SLC28A1: variants seen among roughly 807,000 people sequenced by gnomAD.
SLC28A1 encodes the protein sodium/nucleoside cotransporter 1.
In SLC28A1, 64 loss-of-function variants were observed where a neutral mutation model predicts 74.8. The ratio of observed to expected loss-of-function variants is 0.86; its 90% CI spans 0.70 to 1.05. The LOEUF (loss-of-function observed/expected upper bound fraction) is 1.05, where lower values mean the gene tolerates loss of function less well. SLC28A1 is among the 50% of genes least tolerant of loss of function. SLC28A1 has a pLI of 0.00. For synonymous variants in SLC28A1, 359 were observed against 335.0 expected, an observed-to-expected ratio of 1.07 and a Z score of -0.78; for missense variants, 828 against 822.8, an observed-to-expected ratio of 1.01 and a Z score of -0.08.
chr15:84,892,854 TAGA>T (rs564205126), intron 5 of SLC28A1, among the ~76,000 whole-genome samples: 62 of 152,228 alleles, frequency 4.1e-4, no homozygotes, highest in Non-Finnish European at 8.1e-4. Context: ...TCCCCAGTCT[TAGA>T]AGAAGGAGGT....
At chr15:84,953,778 T>C in the SLC28A1 span, among the ~76,000 whole-genome samples, 1 of 152,344 alleles carries the variant, frequency 6.6e-6, no homozygotes, top group East Asian at 1.9e-4. Context: ...AGTTTATGAA[T>C]GATTTACCTC....
the SLC28A1 span, among the ~76,000 whole-genome samples, chr15:84,969,352 A>G: frequency 6.6e-6 from 1 of 152,210 alleles, no homozygotes; most frequent in African/African-American, 2.4e-5. Flanking sequence ...CATCGCCTTC[A>G]TGTGGGCCCT....
intron 4 of SLC28A1, 67 bp from the exon 5 acceptor site, chr15:84,890,376 G>A (rs1965226421): frequency 1.8e-6 from 2 of 1,138,646 alleles, no homozygotes; most frequent in African/African-American, 3.1e-5. Flanking sequence ...CTGAGTGGAG[G>A]TGCTGAGGAT....
At chr15:84,901,927 T>C (rs1446251169) in intron 6 of SLC28A1, among the ~76,000 whole-genome samples, 1 of 152,208 alleles carries the variant, frequency 6.6e-6, no homozygotes, top group Non-Finnish European at 1.5e-5. Context: ...AGCGGCTTTA[T>C]CTGCAATAGC....
chr15:84,928,517 AG>A, intron 12 of SLC28A1, among the ~76,000 whole-genome samples: 1 of 67,476 alleles, frequency 1.5e-5, no homozygotes, highest in African/African-American at 6.3e-5. Context: ...TCAAGCTCCC[AG>A]GTTCGTTCGT....
rs1971721542 is a variant in SLC28A1, at chr15:84,935,062, G to A, written c.1251G>A (p.Gly417=). 6.2e-7 allele frequency: 1 copy of A among 1,614,120 alleles called. No homozygotes were observed. The highest frequency in any genetic ancestry group is 8.5e-7 in the Non-Finnish European group (1 of 1,179,986). The change falls in exon 14 of 19, where the codon GGG becomes GGA. Residue 417 remains glycine, a synonymous_variant. Coordinates refer to ENST00000394573, the MANE Select transcript of SLC28A1 (RefSeq NM_004213.5). ...ACCTCATAGAAGCAGCCAGCACTGG[G>A]GCCGCCATCTCCGTGAAGGTGGTCG... ...AQNLIEAAST[G]AAISVKVVAN...
intron 12 of SLC28A1, among the ~76,000 whole-genome samples, chr15:84,928,586 CTT>C (rs1463592926): frequency 1.8e-3 from 39 of 22,234 alleles, no homozygotes; most frequent in South Asian, 4.8e-3. Context: ...TTCTTTCTTT[CTT>C]TCTTTCTTTC....
chr15:84,925,370 G>A lies in SLC28A1; in HGVS notation c.1083+1260G>A, dbSNP rs977236341. 5.3e-5 allele frequency among the ~76,000 whole-genome samples: 8 copies of A among 152,034 alleles called. No individual in the cohort carries two copies. The East Asian group carries it at 7.7e-4, about 15-fold the overall frequency. ...CAGAAACGATGGGGGATGCCAAGGC[G>A]GGTGGATCATCTGAGGTCAGGAATT... On this transcript the variant is annotated intron_variant, in intron 12 of 18. Transcript: ENST00000394573.
intron 12 of SLC28A1, among the ~76,000 whole-genome samples, chr15:84,928,551 T>G (rs574111957): frequency 0.024 from 532 of 21,868 alleles, 117 homozygotes; most frequent in Middle Eastern, 0.21. Flanking sequence ...TCTTTCTTTC[T>G]TTCTTTCTTT....
chr15:84,895,051 G>A lies in SLC28A1; in HGVS notation c.389G>A (p.Arg130Gln), dbSNP rs1435393428. ...TTCCTGGGCCACCGCCTGCTGAAAC[G>A]GCTTCTGGGGCCAAAGCTGAGGAGG... ...LTFLGHRLLK[R>Q]LLGPKLRRFL... The change falls in exon 6 of 19, where the codon CGG (arginine) becomes CAG (glutamine). Residue 130 changes from arginine (R) to glutamine (Q), a missense_variant. Physicochemically the swap from Arg to Gln is conservative, Grantham distance 43. This residue lies in a region of SLC28A1 where 767 missense variants were observed against 753.5 expected (regional missense o/e 1.02). Coordinates refer to ENST00000394573, the MANE Select transcript of SLC28A1 (RefSeq NM_004213.5). 12 of 1,612,340 alleles carry A rather than the reference G, an allele frequency of 7.4e-6. No homozygotes were observed. The highest frequency in any genetic ancestry group is 1.6e-4 in the Middle Eastern group (1 of 6,082).
chr15:84,934,501 C>T (rs1971660347), intron 13 of SLC28A1, among the ~76,000 whole-genome samples: 1 of 152,218 alleles, frequency 6.6e-6, no homozygotes, highest in African/African-American at 2.4e-5. Flanking sequence ...CCACATTGGA[C>T]ACATGTGCTT....
intron 14 of SLC28A1, 28 bp from the exon 15 acceptor site, chr15:84,935,292 CG>C: frequency 6.2e-7 from 1 of 1,613,362 alleles, no homozygotes; most frequent in Non-Finnish European, 8.5e-7. Flanking sequence ...GCCCAGCCCT[CG>C]GTGCCAGCCA....
chr15:84,911,125 C>T (rs746432556), intron 9 of SLC28A1, among the ~76,000 whole-genome samples: 6 of 152,114 alleles, frequency 3.9e-5, no homozygotes, highest in Non-Finnish European at 7.4e-5. Context: ...TCCGCCAGAG[C>T]GCCTTCCCCC....
chr15:84,973,710 G>A, the SLC28A1 span, among the ~76,000 whole-genome samples: 10 of 152,302 alleles, frequency 6.6e-5, no homozygotes, highest in East Asian at 7.7e-4. Flanking sequence ...ATACGCTCGC[G>A]TAGTTGCATG....
In SLC28A1 at chr15:84,905,526, G is replaced by C. The variant is rs561510855; in HGVS notation, c.604-13G>C. On this transcript the variant is annotated splice_polypyrimidine_tract_variant and intron_variant, in intron 7 of 18. Coordinates refer to ENST00000394573, the MANE Select transcript of SLC28A1 (RefSeq NM_004213.5). ...AGGAACTGAACTCAGCTTTCTGTTG[G>C]GTGGGGTGGTAGGTGTCCTGGAGGG... 2.5e-6 allele frequency: 4 copies of C among 1,577,818 alleles called. No individual in the cohort carries two copies. Among genetic ancestry groups the C allele is most frequent in the African/African-American group, 1.3e-5 (1 of 74,250 alleles).
intron 12 of SLC28A1, among the ~76,000 whole-genome samples, chr15:84,928,574 CTTTCTT>C (rs1970823128): frequency 8.2e-5 from 2 of 24,248 alleles, no homozygotes; most frequent in East Asian, 2.9e-3. Flanking sequence ...TTCTTTCTTT[CTTTCTT>C]TCTTTCTTTC....
chr15:84,966,074 T>C, the SLC28A1 span, among the ~76,000 whole-genome samples: 1 of 152,166 alleles, frequency 6.6e-6, no homozygotes, highest in African/African-American at 2.4e-5. Flanking sequence ...TTAAATGTAA[T>C]TTTATTCATT....
the SLC28A1 span, among the ~76,000 whole-genome samples, chr15:84,971,115 A>T: frequency 2.6e-5 from 4 of 152,232 alleles, no homozygotes; most frequent in Admixed American, 2.6e-4. Context: ...TGCAAATGAC[A>T]GTAGCAACCC....
chr15:84,906,573 T>TCTCTTTCTTTCTTC (rs1567140749), intron 8 of SLC28A1, among the ~76,000 whole-genome samples: 11 of 98,026 alleles, frequency 1.1e-4, no homozygotes, highest in East Asian at 3.7e-4. Flanking sequence ...TCTCTTTCTT[T>TCTCTTTCTTTCTTC]CTTCCTTCCT....
Sources: allele counts gnomAD v4.1 joint callset (sites outside exome capture counted in the v4.1 genomes callset), GRCh38; gene constraint gnomAD v4.1.1; regional missense constraint gnomAD v4.1.1; transcripts MANE v1.5; gene names NCBI Gene and HGNC (gene_info 2026-07-23, HGNC 2026-07-21).